CNTN4: variants seen among roughly 807,000 people sequenced by gnomAD.
CNTN4 encodes the protein contactin 4, also known as contactin-4.
Under a neutral mutation model 122.5 loss-of-function variants are expected in CNTN4, and 77 were observed. The ratio of observed to expected loss-of-function variants is 0.63; its 90% CI spans 0.52 to 0.76. The LOEUF is 0.76. CNTN4 is among the 30% of genes least tolerant of loss of function. The probability of loss-of-function intolerance (pLI) is 0.00; values close to 1 mark genes in which losing one functional copy is unlikely to be tolerated. For synonymous variants in CNTN4, 512 were observed against 447.0 expected (o/e 1.15, Z -1.83); for missense variants, 1,256 against 1,259.1 (o/e 1.00, Z 0.04).
intron 3 of CNTN4, among the ~76,000 whole-genome samples, chr3:2,372,620 A>G (rs966448874): frequency 3.3e-5 from 5 of 152,204 alleles, no homozygotes; most frequent in African/African-American, 1.2e-4. Context: ...GGGGCTGGCT[A>G]GCTGGCTTTT....
intron 6 of CNTN4, among the ~76,000 whole-genome samples, chr3:2,793,958 G>A (rs7635694): frequency 0.4 from 59,945 of 151,582 alleles, 12,002 homozygotes; most frequent in African/African-American, 0.46. Context: ...CTTTACTAGT[G>A]GGCCATGATT....
chr3:2,979,084 C>T (rs1291805556), intron 13 of CNTN4, among the ~76,000 whole-genome samples: 1 of 152,194 alleles, frequency 6.6e-6, no homozygotes, highest in African/African-American at 2.4e-5. Context: ...GGTGGCTTAT[C>T]TACGAGGTGT....
chr3:2,700,257 A>C (rs1013333847), intron 4 of CNTN4, among the ~76,000 whole-genome samples: 1 of 152,218 alleles, frequency 6.6e-6, no homozygotes, highest in Admixed American at 6.5e-5. Context: ...CATCATGTCC[A>C]GTTCTCTCAT....
intron 2 of CNTN4, among the ~76,000 whole-genome samples, chr3:2,173,723 A>G (rs2036615012): frequency 6.6e-6 from 1 of 152,166 alleles, no homozygotes; most frequent in South Asian, 2.1e-4. Context: ...ATGATTCCTC[A>G]TTTGTTAAAT....
At chr3:2,149,387 G>A (rs1041761059) in intron 2 of CNTN4, among the ~76,000 whole-genome samples, 20 of 152,122 alleles carry the variant, frequency 1.3e-4, no homozygotes, top group African/African-American at 4.1e-4. Context: ...AGAGGGATAC[G>A]TTGAGAAATA....
At chr3:2,748,444 G>C (rs972797400) in intron 6 of CNTN4, among the ~76,000 whole-genome samples, 8 of 151,776 alleles carry the variant, frequency 5.3e-5, no homozygotes, top group African/African-American at 1.9e-4. Flanking sequence ...CATAATGATT[G>C]TTCTCCTAGT....
At position 3,043,664 on chromosome 3, in the gene CNTN4, T is replaced by A; in HGVS notation, c.2771T>A (p.Val924Glu). 6.2e-7 allele frequency: 1 copy of A among 1,613,954 alleles called. No homozygotes were observed. Among genetic ancestry groups the A allele is most frequent in the Non-Finnish European group, 8.5e-7 (1 of 1,179,830 alleles). The change falls in exon 23 of 25, where the codon GTG becomes GAG. Residue 924 changes from valine (V) to glutamate (E), a missense_variant. Coordinates refer to ENST00000418658, the MANE Select transcript of CNTN4 (RefSeq NM_175607.3). The stretch of plus-strand genomic sequence containing the variant: ...AAAATTATCCTGAATTGGGATCAAG[T>A]GAAGGCCCTGGATAATGAGTCGGAA... ...DSKIILNWDQVKALDNESEVK... is the reference protein window; with the variant it reads ...DSKIILNWDQEKALDNESEVK...
intron 2 of CNTN4, among the ~76,000 whole-genome samples, chr3:2,147,541 A>AT (rs1254453862): frequency 1.3e-5 from 2 of 151,914 alleles, no homozygotes; most frequent in Non-Finnish European, 1.5e-5. Context: ...TCCAACACAT[A>AT]TTTCCCCCTC....
At chr3:2,245,410 GA>G (rs1304059302) in intron 2 of CNTN4, among the ~76,000 whole-genome samples, 2 of 152,092 alleles carry the variant, frequency 1.3e-5, no homozygotes, top group Non-Finnish European at 1.5e-5. Context: ...CCAGGTTGGT[GA>G]ATATCACAAT....
Position 2,206,937 on chromosome 3 carries a change from A to C in CNTN4, c.-145+106298A>C, listed in dbSNP as rs372993837. Among the ~76,000 whole-genome samples the C allele has an allele frequency of 2.7e-5, 4 of 150,426 alleles. No individual in the cohort carries two copies. The South Asian group carries it at 8.4e-4, about 32-fold the overall frequency. On this transcript the variant is annotated intron_variant, in intron 2 of 24. Coordinates refer to ENST00000418658, the MANE Select transcript of CNTN4 (RefSeq NM_175607.3). ...TGGCAACTCTGAGTTGAGCAAGGCT[A>C]TTAGTGACATTTTTCCAACAGCATA...
rs1400763840 is a variant in CNTN4, at chr3:2,591,600, G to A, written c.55+20042G>A. ...AGGATGGTCTCGATCTCCTGACCTCGTGATCCGCCCGCCTCGGCCTCCCAA... is the reference window on the plus strand; with the variant it reads ...AGGATGGTCTCGATCTCCTGACCTCATGATCCGCCCGCCTCGGCCTCCCAA... On this transcript the variant is annotated intron_variant, in intron 4 of 24. Transcript: ENST00000418658. Among the ~76,000 whole-genome samples, 3 of 51,778 alleles carry A rather than the reference G, an allele frequency of 5.8e-5. 1 individual carries two copies. Among genetic ancestry groups the A allele is most frequent in the Admixed American group, 4.5e-4 (3 of 6,664 alleles). 34.0% of individuals were successfully genotyped at this position (51,778 alleles called of 152,430 possible).
rs531245184 is a variant in CNTN4 at position 2,122,040 on chromosome 3, A to C, written c.-145+21401A>C. Among the ~76,000 whole-genome samples, 14 of 152,048 alleles carry C rather than the reference A, an allele frequency of 9.2e-5. No homozygotes were observed. The South Asian group carries it at 2.7e-3, about 29-fold the overall frequency. On this transcript the variant is annotated intron_variant, in intron 2 of 24. Coordinates refer to ENST00000418658, the MANE Select transcript of CNTN4 (RefSeq NM_175607.3). ...GCGTGGTGGCGGCGCCTGTAGTCCC[A>C]GCTACTCGGGAGGCTGAGGCAGGAG...
chr3:2,892,702 C>T (rs1210643040), intron 10 of CNTN4, among the ~76,000 whole-genome samples: 5 of 152,128 alleles, frequency 3.3e-5, no homozygotes, highest in Non-Finnish European at 7.4e-5. Context: ...ACAGTTTCTT[C>T]TCTTTGTAAC....
chr3:2,256,510 A>G (rs891167314), intron 2 of CNTN4, among the ~76,000 whole-genome samples: 5 of 152,182 alleles, frequency 3.3e-5, no homozygotes, highest in Non-Finnish European at 5.9e-5. Flanking sequence ...TCAGGTCAGT[A>G]TCCCTGATGA....
chr3:2,338,583 C>T (rs531586415), intron 2 of CNTN4, among the ~76,000 whole-genome samples: 194 of 151,742 alleles, frequency 1.3e-3, no homozygotes, highest in African/African-American at 2.9e-3. Context: ...CTTTATTCTA[C>T]GTAAAATTAA....
At chr3:2,281,153 T>G (rs2041700357) in intron 2 of CNTN4, among the ~76,000 whole-genome samples, 1 of 152,166 alleles carries the variant, frequency 6.6e-6, no homozygotes, top group African/African-American at 2.4e-5. Context: ...ATTACTAGCT[T>G]TTTGTGATTA....
intron 7 of CNTN4, among the ~76,000 whole-genome samples, chr3:2,849,777 C>T (rs2093515992): frequency 6.6e-6 from 1 of 152,124 alleles, no homozygotes; most frequent in African/African-American, 2.4e-5. Context: ...GCCAGCCAGG[C>T]AGGTAAGAAT....
chr3:3,028,173 GA>G (rs1698886566), intron 15 of CNTN4, among the ~76,000 whole-genome samples: 1 of 152,150 alleles, frequency 6.6e-6, no homozygotes, highest in African/African-American at 2.4e-5. Context: ...TTAACCTATT[GA>G]GGTTTTATAA....
At position 3,030,872 on chromosome 3, in the gene CNTN4, T is replaced by C; in HGVS notation, c.1680T>C (p.Asp560=). The C allele has an allele frequency of 1.2e-6, 2 of 1,614,118 alleles. No homozygotes were observed. The change falls in exon 16 of 25, where the codon GAT becomes GAC. Residue 560 remains aspartate, a synonymous_variant. Coordinates refer to ENST00000418658, the MANE Select transcript of CNTN4 (RefSeq NM_175607.3). ...TTTATCAGCAGGATTCAGCTGGTGA[T>C]TTGATGATCCGAAACATCCAACTGA... is the stretch of plus-strand genomic sequence containing the variant. The part of the protein sequence containing the change: ...ERVGGQDSAG[D]LMIRNIQLKH...
Sources: allele counts gnomAD v4.1 joint callset (sites outside exome capture counted in the v4.1 genomes callset), GRCh38; gene constraint gnomAD v4.1.1; transcripts MANE v1.5; gene names NCBI Gene and HGNC (gene_info 2026-07-23, HGNC 2026-07-21).